The following NMT2 variants were observed in gnomAD, a reference collection of about 807,000 sequenced individuals.
The protein encoded by NMT2 is glycylpeptide N-tetradecanoyltransferase 2.
NMT2 carries 35 observed loss-of-function variants against 65.4 expected under a neutral mutation model. The observed-to-expected ratio is 0.54, with a 90% CI of 0.41 to 0.71. The LOEUF (loss-of-function observed/expected upper bound fraction) is 0.71. NMT2 is among the 30% of genes least tolerant of loss of function. NMT2 has a pLI of 0.00. For synonymous variants in NMT2, 226 were observed against 231.8 expected (o/e 0.98, Z 0.23); for missense variants, 489 against 611.3 (o/e 0.80, Z 2.11).
chr10:15,159,270 G>T (rs1833105859), intron 1 of NMT2, among the ~76,000 whole-genome samples: 1 of 152,122 alleles, frequency 6.6e-6, no homozygotes, highest in Non-Finnish European at 1.5e-5. Flanking sequence ...AGACAGAAAG[G>T]GAGAGAGGTT....
chr10:15,130,328 G>A lies in NMT2; in HGVS notation c.720-16C>T. ...CTTCTTCACACTAAGAAATAAAGAT[G>A]GTGAAGATTAAGAGTCAAAACGAGA... On this transcript the variant is annotated splice_polypyrimidine_tract_variant and intron_variant, in intron 6 of 11. Coordinates refer to ENST00000378165, the MANE Select transcript of NMT2 (RefSeq NM_004808.3). 6.5e-7 allele frequency: 1 copy of A among 1,528,162 alleles called. No homozygotes were observed. The highest frequency in any genetic ancestry group is 8.8e-7 in the Non-Finnish European group (1 of 1,132,080). 94.7% of individuals were successfully genotyped at this position (1,528,162 alleles called of 1,614,324 possible).
intron 10 of NMT2, among the ~76,000 whole-genome samples, chr10:15,110,235 G>A (rs7901851): frequency 6.6e-5 from 10 of 151,956 alleles, no homozygotes; most frequent in South Asian, 2.1e-4. Context: ...ATTGTGCCAC[G>A]GCACTCCAGC....
intron 1 of NMT2, among the ~76,000 whole-genome samples, chr10:15,161,524 G>GT (rs1474732804): frequency 6.6e-6 from 1 of 151,758 alleles, no homozygotes; most frequent in Non-Finnish European, 1.5e-5. Flanking sequence ...CCTGGCTAAT[G>GT]TTTTTTTGTA....
chr10:15,108,069 C>T lies in NMT2; in HGVS notation c.*1126G>A, dbSNP rs1246476611. ...AGCACGAATAAGTTCCACCAGGCAT[C>T]TCTTTTGACTTTACAGTTTTTTATT... is the stretch of plus-strand genomic sequence containing the variant. On this transcript the variant is annotated 3_prime_UTR_variant, in exon 12 of 12. Transcript: ENST00000378165. 1 of 985,610 alleles carries T rather than the reference C, an allele frequency of 1.0e-6. No homozygotes were observed. Among genetic ancestry groups the T allele is most frequent in the Non-Finnish European group, 1.2e-6 (1 of 829,940 alleles). 61.1% of individuals were successfully genotyped at this position (985,610 alleles called of 1,614,324 possible). A position where few individuals can be genotyped will look rare whatever the true frequency, so the allele number is the denominator to read the frequency against.
Position 15,112,893 on chromosome 10 carries a change from G to A in NMT2, c.1241C>T (p.Ala414Val). ...GTAGGCGGCTTTGAGGCTCTTGTGA[G>A]CAGGGTGGTGCATCACCGTGGAGGG... ...TLPSTVMHHPAHKSLKAAYSF... is the reference protein window; with the variant it reads ...TLPSTVMHHPVHKSLKAAYSF... Residue 414 changes from alanine to valine, a missense_variant, in exon 10 of 12, where the codon GCT becomes GTT. By Grantham distance (64) the Ala-to-Val change is moderately conservative. Coordinates refer to ENST00000378165, the MANE Select transcript of NMT2 (RefSeq NM_004808.3). The A allele has an allele frequency of 6.2e-7, 1 of 1,614,128 alleles. No individual in the cohort carries two copies. The highest frequency in any genetic ancestry group is 8.5e-7 in the Non-Finnish European group (1 of 1,180,004).
Position 15,105,998 on chromosome 10 carries a change from A to G in NMT2, c.*3197T>C, listed in dbSNP as rs1845287538. ...GTTTCCAACTGGCAATGCTGCAGTTATTTATTTTACTTTCGAGATAGAGTC... is the reference window on the plus strand; with the variant it reads ...GTTTCCAACTGGCAATGCTGCAGTTGTTTATTTTACTTTCGAGATAGAGTC... On this transcript the variant is annotated 3_prime_UTR_variant, in exon 12 of 12. Coordinates refer to ENST00000378165, the MANE Select transcript of NMT2 (RefSeq NM_004808.3). 2.4e-6 allele frequency: 1 copy of G among 418,936 alleles called. No individual in the cohort carries two copies. Among genetic ancestry groups the G allele is most frequent in the African/African-American group, 2.1e-5 (1 of 47,186 alleles). The allele number at this position is 418,936 out of a possible 1,614,324, so 26.0% of individuals were successfully genotyped here. A position where few individuals can be genotyped will look rare whatever the true frequency, so the allele number is the denominator to read the frequency against.
Position 15,128,350 on chromosome 10 carries a change from A to C in NMT2, c.999T>G (p.Asp333Glu), listed in dbSNP as rs1352308845. ...QRTMKLYRLP[D>E]VTKTSGLRPM... ...AAAACTGCAAATCATTCTTACTTAC[A>C]TCTGGAAGTCTGTATAGCTTCATTG... is the stretch of plus-strand genomic sequence containing the variant. The change falls in exon 8 of 12, where the codon GAT becomes GAG. Residue 333 changes from aspartate (D) to glutamate (E), a missense_variant and splice_region_variant. Coordinates refer to ENST00000378165, the MANE Select transcript of NMT2 (RefSeq NM_004808.3). 6.6e-7 allele frequency: 1 copy of C among 1,520,822 alleles called. No homozygotes were observed. The highest frequency in any genetic ancestry group is 1.7e-5 in the Admixed American group (1 of 59,248). 94.2% of individuals were successfully genotyped at this position (1,520,822 alleles called of 1,614,324 possible). A position where few individuals can be genotyped will look rare whatever the true frequency, so the allele number is the denominator to read the frequency against.
At position 15,107,225 on chromosome 10, in the gene NMT2, T is replaced by C; in HGVS notation, c.*1970A>G. The stretch of plus-strand genomic sequence containing the variant: ...CAAAATGATGTCATTTTTTGGCTTT[T>C]TCTCCTCAACCATTCCAGAAAATAA... On this transcript the variant is annotated 3_prime_UTR_variant, in exon 12 of 12. Transcript: ENST00000378165. 1 of 619,936 alleles carries C rather than the reference T, an allele frequency of 1.6e-6. No individual in the cohort carries two copies. The highest frequency in any genetic ancestry group is 2.0e-6 in the Non-Finnish European group (1 of 496,082). The allele number at this position is 619,936 out of a possible 1,614,324, so 38.4% of individuals were successfully genotyped here.
intron 1 of NMT2, among the ~76,000 whole-genome samples, chr10:15,144,885 A>G (rs1846909334): frequency 6.6e-6 from 1 of 152,202 alleles, no homozygotes; most frequent in Admixed American, 6.5e-5. Flanking sequence ...TACCCTAGCC[A>G]TTACACTCGT....
At chr10:15,147,355 T>C (rs1847002675) in intron 1 of NMT2, among the ~76,000 whole-genome samples, 2 of 152,108 alleles carry the variant, frequency 1.3e-5, no homozygotes, top group African/African-American at 2.4e-5. Flanking sequence ...TGTAATCTTC[T>C]CATTCGTATT....
chr10:15,136,824 G>A (rs1051083570), intron 2 of NMT2, among the ~76,000 whole-genome samples: 1 of 131,948 alleles, frequency 7.6e-6, no homozygotes, highest in Non-Finnish European at 1.5e-5. Context: ...AGATTCCCCA[G>A]TTCTTTTTTT....
chr10:15,145,662 G>T (rs1002024683), intron 1 of NMT2, among the ~76,000 whole-genome samples: 2 of 152,218 alleles, frequency 1.3e-5, no homozygotes, highest in Admixed American at 6.5e-5. Context: ...TTAGAGGTGT[G>T]AGCCACCAAG....
At chr10:15,134,646 C>T (rs1460160827) in intron 3 of NMT2, among the ~76,000 whole-genome samples, 1 of 152,144 alleles carries the variant, frequency 6.6e-6, no homozygotes, top group African/African-American at 2.4e-5. Flanking sequence ...GAGGGACCTT[C>T]AGGGCCTGGT....
At chr10:15,144,791 A>G (rs1846906112) in intron 1 of NMT2, among the ~76,000 whole-genome samples, 1 of 152,072 alleles carries the variant, frequency 6.6e-6, no homozygotes, top group Non-Finnish European at 1.5e-5. Context: ...ACCCTCATAC[A>G]CTGTTGATGG....
At chr10:15,112,666 A>G in intron 10 of NMT2, 130 bp downstream of exon 10, 1 of 836,290 alleles carries the variant, frequency 1.2e-6, no homozygotes, top group Non-Finnish European at 1.8e-6. Context: ...CCTTTGACTG[A>G]TGATCAATAG....
At chr10:15,112,214 ATATTTTTTTTTTTTTTTTTTTTTTTT>A (rs1845579172) in intron 10 of NMT2, among the ~76,000 whole-genome samples, 2 of 15,866 alleles carry the variant, frequency 1.3e-4, no homozygotes, top group Non-Finnish European at 1.9e-4. Context: ...ATATATATAT[ATATTTTTTTTTTTTTTTTTTTTTTTT>A]TTTTTTTTTT....
intron 2 of NMT2, chr10:15,139,773 A>T (rs1846664758): frequency 6.6e-6 from 1 of 150,472 alleles, no homozygotes; most frequent in Non-Finnish European, 1.5e-5. Context: ...CAACATCAAA[A>T]CTACCTGCAA....
At chr10:15,168,143 G>A (rs1344127227) in intron 1 of NMT2, among the ~76,000 whole-genome samples, 1 of 152,156 alleles carries the variant, frequency 6.6e-6, no homozygotes, top group African/African-American at 2.4e-5. Flanking sequence ...AGGGAAGGGC[G>A]TAGCGCCTCT....
chr10:15,130,786 C>CT (rs765987022), intron 6 of NMT2, among the ~76,000 whole-genome samples: 1,665 of 101,114 alleles, frequency 0.016, 43 homozygotes, highest in African/African-American at 0.029. Flanking sequence ...TTCTTTCTTT[C>CT]TTTTTTTTTT....
Sources: gnomAD v4.1 joint callset for allele counts (sites outside exome capture counted in the v4.1 genomes callset) on GRCh38, gnomAD v4.1.1 for gene constraint, MANE v1.5 for transcripts, NCBI Gene and HGNC (gene_info 2026-07-23, HGNC 2026-07-21) for gene names.